Variants in CREB3L2 observed in about 807,000 individuals in gnomAD.
CREB3L2 encodes the protein cAMP responsive element binding protein 3 like 2, also known as cyclic AMP-responsive element-binding protein 3-like protein 2.
A neutral mutation model predicts 57.2 loss-of-function variants in CREB3L2; 23 were observed. The ratio of observed to expected loss-of-function variants is 0.40; its 90% CI spans 0.29 to 0.57. CREB3L2 has a LOEUF of 0.57. Ranked by LOEUF, CREB3L2 falls within the 20% of genes least tolerant of loss-of-function variation. The pLI is 0.42. For missense variants in CREB3L2, 628 were observed against 634.7 expected, an observed-to-expected ratio of 0.99 and a Z score of 0.11; for synonymous variants, 268 against 265.1, an observed-to-expected ratio of 1.01 and a Z score of -0.11.
rs534109563 is a variant in CREB3L2 at position 137,908,560 on chromosome 7, G to A, written c.584-124C>T. 7.2e-4 allele frequency: 415 copies of A among 575,782 alleles called. 2 individuals carry two copies. In the African/African-American group the frequency reaches 7.5e-3, roughly 10 times the overall value. 35.7% of individuals were successfully genotyped at this position (575,782 alleles called of 1,614,324 possible). On this transcript the variant is annotated intron_variant, in intron 4 of 11. Transcript: ENST00000330387. Reference sequence around the variant, plus strand: ...GCTGACCTGGACAGATCTCCAAGGTGCAGAGCGTGGATATGGGAGTCCTCC... The same window carrying A: ...GCTGACCTGGACAGATCTCCAAGGTACAGAGCGTGGATATGGGAGTCCTCC...
intron 1 of CREB3L2, among the ~76,000 whole-genome samples, chr7:137,951,759 A>T (rs1801105429): frequency 6.6e-6 from 1 of 152,220 alleles, no homozygotes; most frequent in Admixed American, 6.5e-5. Flanking sequence ...AGGCAGAAGG[A>T]CTGCTTGAAC....
intron 3 of CREB3L2, among the ~76,000 whole-genome samples, chr7:137,914,134 A>G (rs1800073720): frequency 6.6e-6 from 1 of 150,492 alleles, no homozygotes; most frequent in African/African-American, 2.4e-5. Context: ...CTTATATATA[A>G]CTTTATTAAT....
At chr7:137,966,768 G>A (rs76145705) in intron 1 of CREB3L2, among the ~76,000 whole-genome samples, 3,873 of 152,288 alleles carry the variant, frequency 0.025, 178 homozygotes, top group African/African-American at 0.088. Flanking sequence ...CTGTGCTTCT[G>A]AATCCTTGTC....
chr7:137,950,487 T>G (rs1801074347), intron 1 of CREB3L2, among the ~76,000 whole-genome samples: 1 of 152,184 alleles, frequency 6.6e-6, no homozygotes, highest in Admixed American at 6.5e-5. Context: ...TGTTCCCTAC[T>G]GAGACACAAA....
chr7:137,919,325 C>A (rs960297950), intron 2 of CREB3L2, among the ~76,000 whole-genome samples: 3 of 152,126 alleles, frequency 2.0e-5, no homozygotes. Flanking sequence ...GCGTGTGCCA[C>A]CAAACCTGGC....
chr7:137,965,497 A>G (rs7788588), intron 1 of CREB3L2, among the ~76,000 whole-genome samples: 3,906 of 152,292 alleles, frequency 0.026, 179 homozygotes, highest in African/African-American at 0.089. Flanking sequence ...AATATTGTTA[A>G]TATTAAAATG....
In CREB3L2 at chr7:137,879,999, G is replaced by C. The variant is rs1248008589; in HGVS notation, c.*477C>G. ...TGGGCGGAGGGCTGCTGTCGGGGGT[G>C]TTCACACCAGAGACCCCAGTGCGAG... On this transcript the variant is annotated 3_prime_UTR_variant, in exon 12 of 12. Transcript: ENST00000330387. 4.1e-6 allele frequency: 1 copy of C among 245,276 alleles called. No individual in the cohort carries two copies. The highest frequency in any genetic ancestry group is 8.0e-6 in the Non-Finnish European group (1 of 125,250). The allele number at this position is 245,276 out of a possible 1,614,324, so 15.2% of individuals were successfully genotyped here. A position where few individuals can be genotyped will look rare whatever the true frequency, so the allele number is the denominator to read the frequency against.
rs373016107 is a variant in CREB3L2, at chr7:137,979,185, G to A, written c.102+22419C>T. On this transcript the variant is annotated intron_variant, in intron 1 of 11. Coordinates refer to ENST00000330387, the MANE Select transcript of CREB3L2 (RefSeq NM_194071.4). ...AAAACAAGCATGTTCAGGACACACAGTGAGGGAAGAATACGAGTGCTTTGT... is the reference window on the plus strand; with the variant it reads ...AAAACAAGCATGTTCAGGACACACAATGAGGGAAGAATACGAGTGCTTTGT... Among the ~76,000 whole-genome samples, 26 of 152,356 alleles carry A rather than the reference G, an allele frequency of 1.7e-4. No homozygotes were observed. In the South Asian group the frequency reaches 2.9e-3, roughly 17 times the overall value.
chr7:137,930,924 T>A (rs935041989), intron 1 of CREB3L2, among the ~76,000 whole-genome samples: 12 of 105,148 alleles, frequency 1.1e-4, no homozygotes, highest in African/African-American at 2.4e-4. Flanking sequence ...TAGTCATTCC[T>A]TTTAAAAAAA....
rs1456352602 is a variant in CREB3L2, at chr7:137,885,044, C to A, written c.1221G>T (p.Met407Ile). The change falls in exon 10 of 12, where the codon ATG becomes ATT. Residue 407 changes from methionine to isoleucine, a missense_variant. Around this residue, in one of 3 missense-constraint regions of CREB3L2, gnomAD observed 272 missense variants for 242.7 expected, o/e 1.12. Coordinates refer to ENST00000330387, the MANE Select transcript of CREB3L2 (RefSeq NM_194071.4). Reference protein sequence around the residue: ...GYGPYPSATKMALPSQHSLQE... With the variant: ...GYGPYPSATKIALPSQHSLQE... ...GCAGGGAATGCTGGCTGGGCAGAGC[C>A]ATCTTGGTGGCAGAAGGATAGGGCC... is the stretch of plus-strand genomic sequence containing the variant. 6.2e-7 allele frequency: 1 copy of A among 1,614,204 alleles called. No homozygotes were observed. The highest frequency in any genetic ancestry group is 1.1e-5 in the South Asian group (1 of 91,092).
chr7:137,882,759 C>T (rs946730089), intron 10 of CREB3L2, 131 bp from the exon 11 acceptor site: 6 of 579,358 alleles, frequency 1.0e-5, no homozygotes, highest in Non-Finnish European at 1.4e-5. Context: ...ACCATGGGTG[C>T]CAACAGAATT....
In CREB3L2 at chr7:137,879,451, T is replaced by C. The variant is rs1389799711; in HGVS notation, c.*1025A>G. On this transcript the variant is annotated 3_prime_UTR_variant, in exon 12 of 12. Transcript: ENST00000330387. ...TCATGAAAACAGGATAGAAAAAGCT[T>C]GTGGCCAGGGAGCCCGGGGCCTGAG... 6 of 384,062 alleles carry C rather than the reference T, an allele frequency of 1.6e-5. No homozygotes were observed. Among genetic ancestry groups the C allele is most frequent in the Admixed American group, 4.1e-5 (1 of 24,168 alleles). The allele number at this position is 384,062 out of a possible 1,614,324, so 23.8% of individuals were successfully genotyped here. A position where few individuals can be genotyped will look rare whatever the true frequency, so the allele number is the denominator to read the frequency against.
chr7:137,899,996 C>T (rs1190217096), intron 8 of CREB3L2, among the ~76,000 whole-genome samples: 1 of 152,192 alleles, frequency 6.6e-6, no homozygotes, highest in Non-Finnish European at 1.5e-5. Flanking sequence ...CCCAGTAAGT[C>T]CATTTTTCTC....
chr7:137,998,812 T>G (rs1361432297), intron 1 of CREB3L2, among the ~76,000 whole-genome samples: 1 of 152,146 alleles, frequency 6.6e-6, no homozygotes, highest in African/African-American at 2.4e-5. Context: ...AGAATTAAGA[T>G]TTTCAAGATG....
chr7:137,891,674 C>T (rs1246045757), intron 8 of CREB3L2, among the ~76,000 whole-genome samples: 1 of 152,068 alleles, frequency 6.6e-6, no homozygotes, highest in Non-Finnish European at 1.5e-5. Flanking sequence ...CTCCCAGGTT[C>T]AAGCAATTCT....
At chr7:137,946,745 T>A (rs1317364518) in intron 1 of CREB3L2, among the ~76,000 whole-genome samples, 1 of 84,816 alleles carries the variant, frequency 1.2e-5, no homozygotes, top group Non-Finnish European at 2.2e-5. Flanking sequence ...ATATATAGTT[T>A]TTTATAGTTA....
At chr7:137,922,370 CTATATATATATATGTATA>C (rs1163216724) in intron 2 of CREB3L2, among the ~76,000 whole-genome samples, 3 of 100,762 alleles carry the variant, frequency 3.0e-5, no homozygotes, top group African/African-American at 1.3e-4. Flanking sequence ...TTCTGGTTTA[CTATATATATATATGTATA>C]TATATATATA....
chr7:137,901,123 G>A (rs1191779605), intron 8 of CREB3L2, among the ~76,000 whole-genome samples: 1 of 152,210 alleles, frequency 6.6e-6, no homozygotes, highest in Non-Finnish European at 1.5e-5. Context: ...ATGTGAACAT[G>A]AGAGCATGTG....
At position 137,909,087 on chromosome 7, in the gene CREB3L2, G is replaced by A. The variant is rs182712369; in HGVS notation, c.584-651C>T. Among the ~76,000 whole-genome samples, 92 of 152,268 alleles carry A rather than the reference G, an allele frequency of 6.0e-4. No homozygotes were observed. In the East Asian group the frequency reaches 0.013, roughly 22 times the overall value. On this transcript the variant is annotated intron_variant, in intron 4 of 11. Transcript: ENST00000330387. ...TGCCCTCCAGCCTGGGTGACAGAGC[G>A]AGAATCCATCTCAAAAAGCCGGAGT...
Sources: allele counts gnomAD v4.1 joint callset (sites outside exome capture counted in the v4.1 genomes callset), GRCh38; gene constraint gnomAD v4.1.1; regional missense constraint gnomAD v4.1.1; transcripts MANE v1.5; gene names NCBI Gene and HGNC (gene_info 2026-07-23, HGNC 2026-07-21).